The following CACNA1E variants were observed in gnomAD, a reference collection of about 807,000 sequenced individuals.
CACNA1E encodes voltage-dependent R-type calcium channel subunit alpha-1E.
CACNA1E carries 40 observed loss-of-function variants against 259.2 expected under a neutral mutation model. The ratio of observed to expected loss-of-function variants is 0.15; its 90% CI spans 0.12 to 0.20. The LOEUF is 0.20. CACNA1E is among the 10% of genes least tolerant of loss of function. The pLI, the probability that CACNA1E is intolerant of heterozygous loss-of-function variation, is 1.00. For synonymous variants in CACNA1E, 1,104 were observed against 1,138.5 expected (o/e 0.97, Z 0.61); for missense variants, 1,874 against 3,040.1 (o/e 0.62, Z 9.02).
At position 181,758,626 on chromosome 1, in the gene CACNA1E, A is replaced by G; in HGVS notation, c.4495-132A>G. 3.5e-6 allele frequency: 2 copies of G among 577,080 alleles called. No homozygotes were observed. The highest frequency in any genetic ancestry group is 6.2e-6 in the Non-Finnish European group (2 of 324,192). The allele number at this position is 577,080 out of a possible 1,614,324, so 35.7% of individuals were successfully genotyped here. A position where few individuals can be genotyped will look rare whatever the true frequency, so the allele number is the denominator to read the frequency against. On this transcript the variant is annotated intron_variant, in intron 31 of 47. Transcript: ENST00000367573. This position sits in a 1 kb window ranked among gnomAD's most constrained non-coding sequence, Gnocchi z 4.2. ...TTCTCCTCTCCAGCACTCGAAGTCCATCTCTCCTCCTGTACCACACACCAG... is the reference window on the plus strand; with the variant it reads ...TTCTCCTCTCCAGCACTCGAAGTCCGTCTCTCCTCCTGTACCACACACCAG...
chr1:181,510,659 C>G (rs1463827140), intron 2 of CACNA1E, 77 bp downstream of exon 2: 4 of 907,716 alleles, frequency 4.4e-6, no homozygotes, highest in East Asian at 5.1e-5. Context: ...ATCACTCTCC[C>G]ATTCCCTTCC....
intron 6 of CACNA1E, among the ~76,000 whole-genome samples, chr1:181,641,716 T>TGTTTTTTTTTTTTTTTTTTTTTTG (rs1553308071): frequency 3.0e-5 from 1 of 33,472 alleles, no homozygotes; most frequent in Non-Finnish European, 1.3e-4. Flanking sequence ...TTTTTTTTTT[T>TGTTTTTTTTTTTTTTTTTTTTTTG]TTTTTTTTTT....
chr1:181,618,136 G>T (rs1311276336), intron 6 of CACNA1E, among the ~76,000 whole-genome samples: 1 of 152,152 alleles, frequency 6.6e-6, no homozygotes, highest in African/African-American at 2.4e-5. Flanking sequence ...CTGTATGTCT[G>T]TATTTGTATG....
At chr1:181,439,081 A>G (rs956094655) in intron 2 of CACNA1E, among the ~76,000 whole-genome samples, 10 of 152,352 alleles carry the variant, frequency 6.6e-5, no homozygotes, top group African/African-American at 2.2e-4. Flanking sequence ...TATGACTTAT[A>G]TGTTAAGTTA....
chr1:181,599,698 A>C (rs183277055), intron 6 of CACNA1E, among the ~76,000 whole-genome samples: 22 of 152,226 alleles, frequency 1.4e-4, no homozygotes, highest in Admixed American at 7.2e-4. Flanking sequence ...TTAGTAAAAA[A>C]TCTGGTGATT....
At chr1:181,693,128 C>CAAAAAAAAAAAA (rs61662957) in intron 7 of CACNA1E, among the ~76,000 whole-genome samples, 1 of 97,850 alleles carries the variant, frequency 1.0e-5, no homozygotes, top group Non-Finnish European at 2.0e-5. Flanking sequence ...CTATCTAAAG[C>CAAAAAAAAAAAA]AAAAAAAAAA....
chr1:181,471,825 C>T (rs1238812634), intron 2 of CACNA1E, among the ~76,000 whole-genome samples: 1 of 152,164 alleles, frequency 6.6e-6, no homozygotes, highest in Non-Finnish European at 1.5e-5. Flanking sequence ...TGGTGTGACA[C>T]TCTGTGTTTA....
intron 1 of CACNA1E, among the ~76,000 whole-genome samples, chr1:181,386,101 A>C (rs1464999957): frequency 1.3e-5 from 2 of 152,204 alleles, no homozygotes; most frequent in African/African-American, 4.8e-5. Context: ...ATCAATAAGG[A>C]GAGCTTACTA....
Position 181,706,035 on chromosome 1 carries a change from C to T in CACNA1E, c.1056-4919C>T, listed in dbSNP as rs1271539061. Among the ~76,000 whole-genome samples, 12 of 151,990 alleles carry T rather than the reference C, an allele frequency of 7.9e-5. No homozygotes were observed. In the South Asian group the frequency reaches 2.3e-3, roughly 29 times the overall value. On this transcript the variant is annotated intron_variant, in intron 7 of 47. Transcript: ENST00000367573. ...TCTGTTGCATCTCTCGGTGTAGAAA[C>T]CCTGGATAGAACAAATGAAAAGGAG...
chr1:181,407,430 T>G (rs1031294262), intron 1 of CACNA1E, among the ~76,000 whole-genome samples: 12 of 152,186 alleles, frequency 7.9e-5, no homozygotes, highest in Non-Finnish European at 1.6e-4. Flanking sequence ...GCTGACACAC[T>G]GCTTTTAGGA....
rs140989933 is a variant in CACNA1E, at chr1:181,668,452, A to G, written c.1055+17011A>G. ...TACAAGTAAGGCTGCTATGAAGAAC[A>G]TTTGTGTACAGGTTTTTGTGTGAAC... On this transcript the variant is annotated intron_variant, in intron 7 of 47. Coordinates refer to ENST00000367573, the MANE Select transcript of CACNA1E (RefSeq NM_001205293.3). Among the ~76,000 whole-genome samples, 421 of 152,266 alleles carry G rather than the reference A, an allele frequency of 2.8e-3. 5 individuals are homozygous for G. The highest frequency in any genetic ancestry group is 9.7e-3 in the African/African-American group (405 of 41,550).
intron 1 of CACNA1E, among the ~76,000 whole-genome samples, chr1:181,408,175 T>TTCATTG (rs918142655): frequency 6.6e-6 from 1 of 152,178 alleles, no homozygotes; most frequent in African/African-American, 2.4e-5. Flanking sequence ...AAGCATGAGT[T>TTCATTG]TCATTGACTT....
rs1657440030 is a variant in CACNA1E, at chr1:181,749,912, T to TG, written c.3720-563dup. Among the ~76,000 whole-genome samples, 3 of 152,248 alleles carry TG rather than the reference T, an allele frequency of 2.0e-5. No homozygotes were observed. In the South Asian group the frequency reaches 6.2e-4, roughly 32 times the overall value. ...TTATTTCAAGTTGGTTTAATGGTGT[T>TG]GCTCCTCTGAGCTTCTAAGAGACAT... On this transcript the variant is annotated intron_variant, in intron 25 of 47. Transcript: ENST00000367573.
At chr1:181,625,038 G>C (rs1340927675) in intron 6 of CACNA1E, among the ~76,000 whole-genome samples, 2 of 130,026 alleles carry the variant, frequency 1.5e-5, no homozygotes, top group African/African-American at 5.8e-5. Flanking sequence ...TCAGTATTTT[G>C]AAAGGAATCT....
At chr1:181,716,323 A>T (rs75683482) in intron 10 of CACNA1E, among the ~76,000 whole-genome samples, 194 bp downstream of exon 10, 24 of 148,614 alleles carry the variant, frequency 1.6e-4, no homozygotes, top group African/African-American at 5.6e-4. Flanking sequence ...GGACCTGGGG[A>T]TGCTATTTAT....
At chr1:181,390,932 G>A (rs1656225343) in intron 1 of CACNA1E, among the ~76,000 whole-genome samples, 1 of 152,160 alleles carries the variant, frequency 6.6e-6, no homozygotes, top group Admixed American at 6.5e-5. Context: ...TTGATGTGCT[G>A]ATTGGCCGCC....
chr1:181,788,819 C>T (rs960122181), intron 43 of CACNA1E, among the ~76,000 whole-genome samples: 9 of 152,212 alleles, frequency 5.9e-5, no homozygotes, highest in African/African-American at 1.9e-4. Context: ...GGTCCTCTCC[C>T]TCTAGTGAGG....
chr1:181,494,630 G>A (rs1010922979), intron 1 of CACNA1E, among the ~76,000 whole-genome samples: 3 of 152,134 alleles, frequency 2.0e-5, no homozygotes, highest in Non-Finnish European at 4.4e-5. Flanking sequence ...TTTTAAATAT[G>A]GGGAAGCTGA....
intron 6 of CACNA1E, among the ~76,000 whole-genome samples, chr1:181,627,846 CTCTT>C (rs750694056): frequency 3.9e-5 from 6 of 152,180 alleles, no homozygotes; most frequent in Non-Finnish European, 7.4e-5. Flanking sequence ...CCTCTGCTTT[CTCTT>C]TCTAACCGTC....
Sources: gnomAD v4.1 joint callset for allele counts (sites outside exome capture counted in the v4.1 genomes callset) on GRCh38, gnomAD v4.1.1 for gene constraint, Gnocchi (gnomAD v3.1) non-coding constraint, MANE v1.5 for transcripts, NCBI Gene and HGNC (gene_info 2026-07-23, HGNC 2026-07-21) for gene names.